The following BCL2L13 variants were observed in gnomAD, a reference collection of about 807,000 sequenced individuals.
BCL2L13 encodes the protein BCL2 like 13.
BCL2L13 carries 13 observed loss-of-function variants against 25.8 expected under a neutral mutation model. The observed-to-expected ratio is 0.50, with a 90% confidence interval of 0.33 to 0.80. BCL2L13 has a LOEUF of 0.80. BCL2L13 is among the 30% of genes least tolerant of loss of function. BCL2L13 has a pLI of 0.02. For synonymous variants in BCL2L13, 244 were observed against 230.3 expected, an observed-to-expected ratio of 1.06 and a Z score of -0.54; for missense variants, 504 against 574.9, an observed-to-expected ratio of 0.88 and a Z score of 1.26.
chr22:17,705,784 C>T (rs147101830), intron 6 of BCL2L13, among the ~76,000 whole-genome samples: 64 of 152,080 alleles, frequency 4.2e-4, no homozygotes, highest in African/African-American at 1.4e-3. Flanking sequence ...ATGATTTCCA[C>T]GGGGAATGTA....
chr22:17,718,876 C>T (rs1037725113), intron 6 of BCL2L13, among the ~76,000 whole-genome samples: 3 of 151,876 alleles, frequency 2.0e-5, no homozygotes, highest in Non-Finnish European at 4.4e-5. Context: ...ATTAAAAACG[C>T]GGTCAGGTGT....
At chr22:17,636,826 TAAAG>T (rs977314065), upstream of BCL2L13, among the ~76,000 whole-genome samples, 13 of 151,658 alleles carry the variant, frequency 8.6e-5, no homozygotes, top group Non-Finnish European at 1.6e-4. Context: ...AATAAATAAA[TAAAG>T]GAAAAGACTG....
intron 1 of BCL2L13, among the ~76,000 whole-genome samples, chr22:17,632,464 C>T (rs923595491): frequency 2.0e-5 from 3 of 152,082 alleles, no homozygotes; most frequent in Non-Finnish European, 2.9e-5. Flanking sequence ...CCTCATTCTT[C>T]ATTGTCCTAA....
At position 17,726,541 on chromosome 22, in the gene BCL2L13, A is replaced by C. The variant is rs1425631176; in HGVS notation, c.601-136A>C. 4.9e-6 allele frequency: 5 copies of C among 1,029,556 alleles called. No individual in the cohort carries two copies. In the Admixed American group the frequency reaches 1.4e-4, roughly 29 times the overall value. 63.8% of individuals were successfully genotyped at this position (1,029,556 alleles called of 1,614,324 possible). ...ATTGGCCTACAAATACATGCATTCC[A>C]TTCGGAAACTATGTAGGTTTAAACA... On this transcript the variant is annotated intron_variant, in intron 6 of 6. Transcript: ENST00000317582.
At chr22:17,638,719 C>T (rs1234598908), upstream of BCL2L13, 2 of 1,231,592 alleles carry the variant, frequency 1.6e-6, no homozygotes, top group South Asian at 4.1e-5. Context: ...GGTCCCGCCC[C>T]GACGCCGGCC....
rs186830405 is a variant in BCL2L13, at chr22:17,650,076, G to A, written c.-50-5586G>A. ...GAAGAGATGGGGTTTCACCATGTTG[G>A]CCAGGCTGGTCTCGAACTCCTGACC... On this transcript the variant is annotated intron_variant, in intron 1 of 6. Coordinates refer to ENST00000317582, the MANE Select transcript of BCL2L13 (RefSeq NM_015367.4). 1.8e-3 allele frequency among the ~76,000 whole-genome samples: 268 copies of A among 151,068 alleles called. 4 individuals are homozygous for A. Among genetic ancestry groups the A allele is most frequent in the Admixed American group, 0.014 (212 of 15,112 alleles).
intron 4 of BCL2L13, 95 bp downstream of exon 4, chr22:17,689,237 A>G (rs2060034203): frequency 2.8e-6 from 3 of 1,069,602 alleles, no homozygotes; most frequent in African/African-American, 3.2e-5. Context: ...TTAGGTGAAC[A>G]GTGTCACTTC....
At chr22:17,639,092 G>C (rs12170157) in intron 1 of BCL2L13, among the ~76,000 whole-genome samples, 2,890 of 152,264 alleles carry the variant, frequency 0.019, 86 homozygotes, top group African/African-American at 0.066. Flanking sequence ...ACCGGACCTG[G>C]CCGCGCGGCC....
Position 17,728,915 on chromosome 22 carries a change from C to G in BCL2L13, c.*1381C>G, listed in dbSNP as rs1008164357. ...TCCCAGCCCTAAAGGAAGGGTAGAC[C>G]CGTGTCTTTCCAGCCCTAAAGGAAG... On this transcript the variant is annotated 3_prime_UTR_variant, in exon 7 of 7. Transcript: ENST00000317582. 5 of 152,178 alleles carry G rather than the reference C, an allele frequency of 3.3e-5. No individual in the cohort carries two copies. Among genetic ancestry groups the G allele is most frequent in the Admixed American group, 2.6e-4 (4 of 15,284 alleles). The allele number at this position is 152,178 out of a possible 1,614,324, so 9.4% of individuals were successfully genotyped here. A position where few individuals can be genotyped will look rare whatever the true frequency, so the allele number is the denominator to read the frequency against.
At chr22:17,634,220 C>T (rs181021108), upstream of BCL2L13, among the ~76,000 whole-genome samples, 1 of 152,074 alleles carries the variant, frequency 6.6e-6, no homozygotes, top group Non-Finnish European at 1.5e-5. Context: ...GAGTCTCACT[C>T]TGTTGCCCAG....
At chr22:17,703,579 C>T (rs554878248) in intron 6 of BCL2L13, 4 of 152,172 alleles carry the variant, frequency 2.6e-5, no homozygotes, top group African/African-American at 9.6e-5. Context: ...AAGTATACTA[C>T]TCATTATTGT....
At chr22:17,698,622 G>A (rs2060340600) in intron 5 of BCL2L13, among the ~76,000 whole-genome samples, 1 of 148,320 alleles carries the variant, frequency 6.7e-6, no homozygotes, top group Non-Finnish European at 1.5e-5. Flanking sequence ...CGAGCTATTT[G>A]GGAGGCTGAG....
At chr22:17,643,743 A>C (rs1438180745) in intron 1 of BCL2L13, among the ~76,000 whole-genome samples, 1 of 144,484 alleles carries the variant, frequency 6.9e-6, no homozygotes, top group East Asian at 2.1e-4. Flanking sequence ...GGAGGTGTGT[A>C]GCTGGGACTA....
intron 1 of BCL2L13, among the ~76,000 whole-genome samples, chr22:17,640,875 T>G (rs929486981): frequency 9.5e-5 from 13 of 136,140 alleles, no homozygotes; most frequent in Non-Finnish European, 1.4e-4. Flanking sequence ...GTTTGTTTAT[T>G]AATTTTTTAT....
intron 2 of BCL2L13, among the ~76,000 whole-genome samples, chr22:17,660,660 A>T (rs539249498): frequency 6.9e-6 from 1 of 144,676 alleles, no homozygotes; most frequent in African/African-American, 2.5e-5. Flanking sequence ...CCGGACCTCA[A>T]GTGATCCGCT....
At chr22:17,698,879 T>C (rs1181609367) in intron 5 of BCL2L13, among the ~76,000 whole-genome samples, 1 of 152,212 alleles carries the variant, frequency 6.6e-6, no homozygotes, top group Admixed American at 6.5e-5. Flanking sequence ...TTCAAATAAA[T>C]GGAGTAATAT....
intron 6 of BCL2L13, among the ~76,000 whole-genome samples, chr22:17,719,596 C>T (rs911983082): frequency 5.9e-5 from 9 of 151,902 alleles, no homozygotes; most frequent in Non-Finnish European, 8.8e-5. Context: ...GAAGTACGGC[C>T]GAGGCAGGTG....
chr22:17,685,767 T>C (rs1188665446), intron 3 of BCL2L13, among the ~76,000 whole-genome samples: 144 of 97,758 alleles, frequency 1.5e-3, no homozygotes, highest in African/African-American at 5.9e-3. Context: ...TTTCTTTTTT[T>C]TTTTTTTTTT....
intron 6 of BCL2L13, among the ~76,000 whole-genome samples, chr22:17,720,742 TC>T (rs1327585057): frequency 6.6e-6 from 1 of 151,766 alleles, no homozygotes; most frequent in Non-Finnish European, 1.5e-5. Flanking sequence ...GCTGAAGTGA[TC>T]CTCTCTCCTT....
Sources: allele counts gnomAD v4.1 joint callset (sites outside exome capture counted in the v4.1 genomes callset), GRCh38; gene constraint gnomAD v4.1.1; transcripts MANE v1.5; gene names NCBI Gene and HGNC (gene_info 2026-07-23, HGNC 2026-07-21).